Variants in APBA1 observed in about 807,000 individuals in gnomAD.
The protein encoded by APBA1 is amyloid beta precursor protein binding family A member 1.
Under a neutral mutation model 86.6 loss-of-function variants are expected in APBA1, and 55 were observed. The ratio of observed to expected loss-of-function variants is 0.64; its 90% CI spans 0.51 to 0.80. The LOEUF (loss-of-function observed/expected upper bound fraction) is 0.80, where lower values mean the gene tolerates loss of function less well. APBA1 is among the 30% of genes least tolerant of loss of function. The probability of loss-of-function intolerance (pLI) is 0.00; values close to 1 mark genes in which losing one functional copy is unlikely to be tolerated. For synonymous variants in APBA1, 511 were observed against 493.9 expected, an observed-to-expected ratio of 1.03 and a Z score of -0.46; for missense variants, 1,090 against 1,183.0, an observed-to-expected ratio of 0.92 and a Z score of 1.15.
chr9:69,431,490 TC>T, intron 12 of APBA1, 92 bp from the exon 13 acceptor site: 1 of 1,116,910 alleles, frequency 9.0e-7, no homozygotes, highest in Non-Finnish European at 1.3e-6. Flanking sequence ...GCAGTGCCTC[TC>T]CCACAGAGGG....
At chr9:69,575,484 G>A (rs893000780) in intron 1 of APBA1, among the ~76,000 whole-genome samples, 1 of 152,228 alleles carries the variant, frequency 6.6e-6, no homozygotes, top group South Asian at 2.1e-4. Flanking sequence ...AACCAAAACA[G>A]CATGGTACTG....
intron 1 of APBA1, among the ~76,000 whole-genome samples, chr9:69,661,171 T>C (rs1458559122): frequency 6.6e-6 from 1 of 152,234 alleles, no homozygotes; most frequent in Non-Finnish European, 1.5e-5. Context: ...GCTTTTGCAC[T>C]ACAAGGGCAG....
intron 1 of APBA1, among the ~76,000 whole-genome samples, chr9:69,571,122 C>T (rs2133948084): frequency 6.6e-6 from 1 of 152,266 alleles, no homozygotes; most frequent in East Asian, 1.9e-4. Context: ...CTTTTATTAT[C>T]AACTGCTCAC....
At chr9:69,598,688 A>G (rs183648588) in intron 1 of APBA1, among the ~76,000 whole-genome samples, 4 of 152,278 alleles carry the variant, frequency 2.6e-5, no homozygotes, top group Admixed American at 2.6e-4. Context: ...CTAAGGGCCT[A>G]CAAGAGGACA....
In APBA1 at chr9:69,431,519, A is replaced by G. The variant is rs1004798418; in HGVS notation, c.2443-121T>C. ...ACAGAGGGCTTTGAAGATACTCCCT[A>G]CCGCCCAGCCACCACCAGGGACCTG... On this transcript the variant is annotated intron_variant, in intron 12 of 12. Transcript: ENST00000265381. The G allele has an allele frequency of 2.6e-5, 21 of 799,312 alleles. No homozygotes were observed. In the African/African-American group the frequency reaches 3.3e-4, roughly 13 times the overall value. 49.5% of individuals were successfully genotyped at this position (799,312 alleles called of 1,614,324 possible).
At chr9:69,531,553 C>G (rs1192572772) in intron 1 of APBA1, among the ~76,000 whole-genome samples, 2 of 152,166 alleles carry the variant, frequency 1.3e-5, no homozygotes, top group African/African-American at 4.8e-5. Flanking sequence ...CTCCAGCACT[C>G]CAGCCTTGTC....
At chr9:69,503,392 T>C (rs1202132178) in intron 2 of APBA1, among the ~76,000 whole-genome samples, 1 of 152,116 alleles carries the variant, frequency 6.6e-6, no homozygotes, top group Non-Finnish European at 1.5e-5. Flanking sequence ...TATTCATAAA[T>C]AGCATGTTTA....
intron 5 of APBA1, chr9:69,462,166 A>G (rs1835201904): frequency 6.6e-6 from 1 of 152,204 alleles, no homozygotes; most frequent in Non-Finnish European, 1.5e-5. Context: ...CAAATACAGG[A>G]AGAATGGAGA....
At chr9:69,593,287 A>G (rs1822168248) in intron 1 of APBA1, among the ~76,000 whole-genome samples, 1 of 152,202 alleles carries the variant, frequency 6.6e-6, no homozygotes, top group Non-Finnish European at 1.5e-5. Context: ...GTTATTTATA[A>G]TCTCTAGGAA....
At chr9:69,622,489 A>G (rs1466554489) in intron 1 of APBA1, among the ~76,000 whole-genome samples, 1 of 152,196 alleles carries the variant, frequency 6.6e-6, no homozygotes, top group Non-Finnish European at 1.5e-5. Flanking sequence ...TCATTCAGTA[A>G]CAAGAGCATC....
chr9:69,616,742 G>A lies in APBA1; in HGVS notation c.-70+55411C>T, dbSNP rs77209923. On this transcript the variant is annotated intron_variant, in intron 1 of 12. Transcript: ENST00000265381. The stretch of plus-strand genomic sequence containing the variant: ...CACCAATCACTTCCTTCTGATGTGG[G>A]ACCAGATTAGACCACACCAGGACAG... Among the ~76,000 whole-genome samples the A allele has an allele frequency of 8.0e-3, 1,216 of 152,222 alleles. 15 individuals are homozygous for A. The highest frequency in any genetic ancestry group is 0.028 in the African/African-American group (1,142 of 41,524).
At chr9:69,537,007 C>T (rs918544076) in intron 1 of APBA1, among the ~76,000 whole-genome samples, 13 of 150,272 alleles carry the variant, frequency 8.7e-5, no homozygotes, top group Non-Finnish European at 1.2e-4. Context: ...AAAGAACACT[C>T]ATGTTGTTAT....
intron 3 of APBA1, among the ~76,000 whole-genome samples, chr9:69,474,947 A>G (rs1476818435): frequency 6.6e-6 from 1 of 152,214 alleles, no homozygotes; most frequent in Non-Finnish European, 1.5e-5. Flanking sequence ...GGGAAAAGGA[A>G]ACCATCGTTC....
In APBA1 at chr9:69,431,283, C is replaced by T. The variant is rs371827645; in HGVS notation, c.*44G>A. On this transcript the variant is annotated 3_prime_UTR_variant, in exon 13 of 13. Transcript: ENST00000265381. ...GGATGCAGCACGAGAAACACAACCACGAAGAGGAGAGTCCTCCATGCATGC... is the reference window on the plus strand; with the variant it reads ...GGATGCAGCACGAGAAACACAACCATGAAGAGGAGAGTCCTCCATGCATGC... The T allele has an allele frequency of 3.2e-4, 484 of 1,493,324 alleles. 1 individual carries two copies. Among genetic ancestry groups the T allele is most frequent in the South Asian group, 1.8e-3 (138 of 77,186 alleles). The allele number at this position is 1,493,324 out of a possible 1,614,324, so 92.5% of individuals were successfully genotyped here.
At chr9:69,623,501 G>A (rs529432310) in intron 1 of APBA1, among the ~76,000 whole-genome samples, 82 of 152,256 alleles carry the variant, frequency 5.4e-4, no homozygotes, top group Middle Eastern at 3.4e-3. Context: ...GAGGGAAGAA[G>A]ACGATTTAAA....
intron 1 of APBA1, among the ~76,000 whole-genome samples, chr9:69,614,899 A>C (rs746574317): frequency 5.9e-5 from 9 of 152,148 alleles, no homozygotes; most frequent in Non-Finnish European, 1.3e-4. Context: ...ATTTAAGAAA[A>C]TTTTCTCTTT....
chr9:69,540,213 T>C (rs932387719), intron 1 of APBA1, among the ~76,000 whole-genome samples: 1 of 152,112 alleles, frequency 6.6e-6, no homozygotes. Flanking sequence ...GTAATCTCCA[T>C]CACTATCTGC....
chr9:69,582,590 A>C (rs1267931222), intron 1 of APBA1, among the ~76,000 whole-genome samples: 2 of 151,944 alleles, frequency 1.3e-5, no homozygotes, highest in African/African-American at 4.8e-5. Flanking sequence ...AAAATGGGGG[A>C]AATACCACTG....
At chr9:69,642,163 G>A (rs1007768620) in intron 1 of APBA1, among the ~76,000 whole-genome samples, 6 of 152,190 alleles carry the variant, frequency 3.9e-5, no homozygotes, top group Admixed American at 6.5e-5. Context: ...TTGAAAGACA[G>A]TGTTAGGAAA....
Sources: allele counts gnomAD v4.1 joint callset (sites outside exome capture counted in the v4.1 genomes callset), GRCh38; gene constraint gnomAD v4.1.1; transcripts MANE v1.5; gene names NCBI Gene and HGNC (gene_info 2026-07-23, HGNC 2026-07-21).